Variants in SF3B2 observed in about 807,000 individuals in gnomAD.
SF3B2 encodes SAP 145.
Under a neutral mutation model 116.3 loss-of-function variants are expected in SF3B2, and 22 were observed. The ratio of observed to expected loss-of-function variants is 0.19; its 90% CI spans 0.14 to 0.27. The LOEUF is 0.27. Ranked by LOEUF, SF3B2 falls within the 10% of genes least tolerant of loss-of-function variation. The pLI is 1.00. For synonymous variants in SF3B2, 406 were observed against 421.6 expected, an observed-to-expected ratio of 0.96 and a Z score of 0.45; for missense variants, 767 against 1,151.4, an observed-to-expected ratio of 0.67 and a Z score of 4.83.
chr11:66,067,221 G>C (rs991268285), intron 19 of SF3B2: 13 of 340,722 alleles, frequency 3.8e-5, no homozygotes, highest in Non-Finnish European at 7.0e-5. Context: ...AGGGTACTGT[G>C]GACAGAGTAT....
chr11:66,055,390 G>C, intron 4 of SF3B2, 75 bp downstream of exon 4: 1 of 1,589,586 alleles, frequency 6.3e-7, no homozygotes, highest in East Asian at 2.2e-5. Flanking sequence ...AGAAAGCTGG[G>C]TCCTAGAACT....
At position 66,061,698 on chromosome 11, in the gene SF3B2, G is replaced by A; in HGVS notation, c.1792G>A (p.Glu598Lys). The change falls in exon 15 of 22, where the codon GAG (glutamate) becomes AAG (lysine). Residue 598 changes from glutamate (E) to lysine (K), a missense_variant. Transcript: ENST00000322535. ...GCTTTTCCCTCAGGGGAAGGAGTTC[G>A]AGACACGACTGAAGGAGAAGAAGCC... is the stretch of plus-strand genomic sequence containing the variant. ...GDLYYEGKEF[E>K]TRLKEKKPGD... is the part of the protein sequence containing the mutation. 1.2e-6 allele frequency: 2 copies of A among 1,614,114 alleles called. No homozygotes were observed. The highest frequency in any genetic ancestry group is 1.7e-6 in the Non-Finnish European group (2 of 1,179,940).
At chr11:66,067,701 G>A in intron 19 of SF3B2, 1 of 523,904 alleles carries the variant, frequency 1.9e-6, no homozygotes, top group South Asian at 2.0e-5. Flanking sequence ...GGGAGTCCTG[G>A]TCTGTGATCC....
chr11:66,060,161 CCT>C, intron 13 of SF3B2, 152 bp downstream of exon 13: 2 of 728,600 alleles, frequency 2.7e-6, no homozygotes, highest in Non-Finnish European at 4.5e-6. Flanking sequence ...CTCTTCCTCC[CCT>C]CTGCCTTCAC....
chr11:66,057,489 G>A (rs548663013), intron 7 of SF3B2, 114 bp downstream of exon 7: 1 of 659,958 alleles, frequency 1.5e-6, no homozygotes, highest in East Asian at 2.6e-5. Flanking sequence ...AATTCCTGGG[G>A]GTAGTGGGGA....
Position 66,059,376 on chromosome 11 carries a change from G to A in SF3B2, c.1320+38G>A. On this transcript the variant is annotated intron_variant, in intron 11 of 21. Transcript: ENST00000322535. The surrounding 1 kb of genome is among the most constrained non-coding windows in gnomAD (Gnocchi z 5.0). ...CCTCCTGGTGGGAAGCAGGGACTCT[G>A]GGCACAGGTGGCTGAGATGCATCCA... The A allele has an allele frequency of 3.7e-6, 6 of 1,613,084 alleles. No homozygotes were observed. The highest frequency in any genetic ancestry group is 4.2e-6 in the Non-Finnish European group (5 of 1,179,392).
chr11:66,061,817 G>C, intron 15 of SF3B2, 42 bp downstream of exon 15: 1 of 1,604,324 alleles, frequency 6.2e-7, no homozygotes, highest in African/African-American at 1.3e-5. Flanking sequence ...CGAAGAGGCT[G>C]GTGGGGATTG....
intron 1 of SF3B2, 32 bp downstream of exon 1, chr11:66,052,549 C>G: frequency 6.3e-7 from 1 of 1,597,754 alleles, no homozygotes; most frequent in Admixed American, 1.7e-5. Flanking sequence ...GGGGCCTTTA[C>G]GGGCCTGCGG....
chr11:66,061,443 C>T (rs1857098867), intron 14 of SF3B2, among the ~76,000 whole-genome samples: 1 of 152,152 alleles, frequency 6.6e-6, no homozygotes, highest in Non-Finnish European at 1.5e-5. Flanking sequence ...GTCGAGTGCC[C>T]TCATTTTACA....
chr11:66,065,205 C>T (rs1857161281), intron 19 of SF3B2: 1 of 152,258 alleles, frequency 6.6e-6, no homozygotes, highest in South Asian at 2.1e-4. Flanking sequence ...CTCCTGGCTT[C>T]AAGTGATCCG....
intron 5 of SF3B2, among the ~76,000 whole-genome samples, chr11:66,056,463 A>G (rs1426818135): frequency 6.6e-6 from 1 of 150,870 alleles, no homozygotes; most frequent in Non-Finnish European, 1.5e-5. Flanking sequence ...GTCTTTGCCC[A>G]GATTGTGCTG....
In SF3B2 at chr11:66,052,913, G is replaced by A. The variant is rs934122298; in HGVS notation, c.181-114G>A. 1.2e-5 allele frequency: 16 copies of A among 1,284,748 alleles called. No individual in the cohort carries two copies. In the South Asian group the frequency reaches 1.9e-4, roughly 15 times the overall value. 79.6% of individuals were successfully genotyped at this position (1,284,748 alleles called of 1,614,324 possible). A position where few individuals can be genotyped will look rare whatever the true frequency, so the allele number is the denominator to read the frequency against. ...CCATCTTGGTCCTCTTCAGTGCCCAGCCAGAGCGCTGGCAGACAGGCACTG... is the reference window on the plus strand; with the variant it reads ...CCATCTTGGTCCTCTTCAGTGCCCAACCAGAGCGCTGGCAGACAGGCACTG... On this transcript the variant is annotated intron_variant, in intron 2 of 21. Coordinates refer to ENST00000322535, the MANE Select transcript of SF3B2 (RefSeq NM_006842.3).
intron 3 of SF3B2, among the ~76,000 whole-genome samples, chr11:66,054,333 C>G (rs757887290): frequency 6.7e-6 from 1 of 148,714 alleles, no homozygotes; most frequent in Non-Finnish European, 1.5e-5. Flanking sequence ...AAAAATTAGC[C>G]GGGCATGGTG....
chr11:66,068,376 C>A lies in SF3B2; in HGVS notation c.2616+43C>A, dbSNP rs773766517. 2.7e-6 allele frequency: 4 copies of A among 1,502,174 alleles called. No individual in the cohort carries two copies. In the Admixed American group the frequency reaches 6.5e-5, roughly 25 times the overall value. 93.1% of individuals were successfully genotyped at this position (1,502,174 alleles called of 1,614,324 possible). A position where few individuals can be genotyped will look rare whatever the true frequency, so the allele number is the denominator to read the frequency against. ...CGCTGGGCTGGGTGAGAGCCAGGGA[C>A]CCTGGCCTGCCGTTTTCAGTGGCAT... On this transcript the variant is annotated intron_variant, in intron 21 of 21. Transcript: ENST00000322535.
chr11:66,068,798 A>G lies in SF3B2; in HGVS notation c.*53A>G, dbSNP rs1857239205. 1.4e-6 allele frequency: 2 copies of G among 1,406,248 alleles called. No homozygotes were observed. Among genetic ancestry groups the G allele is most frequent in the Non-Finnish European group, 2.0e-6 (2 of 994,986 alleles). 87.1% of individuals were successfully genotyped at this position (1,406,248 alleles called of 1,614,324 possible). On this transcript the variant is annotated 3_prime_UTR_variant, in exon 22 of 22. Transcript: ENST00000322535. Reference sequence around the variant, plus strand: ...CCCTACGTCTGGATGCCTGGGCTTCACACAAGAACCACCTCTCCCGCAGTT... The same window carrying G: ...CCCTACGTCTGGATGCCTGGGCTTCGCACAAGAACCACCTCTCCCGCAGTT...
Position 66,055,666 on chromosome 11 carries a change from A to G in SF3B2, c.549+81A>G. On this transcript the variant is annotated intron_variant, in intron 5 of 21. Transcript: ENST00000322535. ...TATAGTGCTTAGAGTGCACCATTCA[A>G]GTTTTCCCTGGAGGCTACTTTGTTC... 7.0e-6 allele frequency: 9 copies of G among 1,290,344 alleles called. 1 individual carries two copies. Among genetic ancestry groups the G allele is most frequent in the Middle Eastern group, 1.9e-4 (1 of 5,360 alleles). The allele number at this position is 1,290,344 out of a possible 1,614,324, so 79.9% of individuals were successfully genotyped here.
At position 66,060,691 on chromosome 11, in the gene SF3B2, C is replaced by G; in HGVS notation, c.1739C>G (p.Thr580Ser). 2 of 1,614,208 alleles carry G rather than the reference C, an allele frequency of 1.2e-6. No individual in the cohort carries two copies. The highest frequency in any genetic ancestry group is 2.2e-5 in the South Asian group (2 of 91,088). The change falls in exon 14 of 22, where the codon ACC (threonine) becomes AGC (serine). Residue 580 changes from threonine (T) to serine (S), a missense_variant. Coordinates refer to ENST00000322535, the MANE Select transcript of SF3B2 (RefSeq NM_006842.3). ...KLHDAFFKWQ[T>S]KPKLTIHGDL... Reference sequence around the variant, plus strand: ...CATGATGCCTTCTTCAAGTGGCAGACCAAGCCAAAGCTGACCATCCATGGG... The same window carrying G: ...CATGATGCCTTCTTCAAGTGGCAGAGCAAGCCAAAGCTGACCATCCATGGG...
At chr11:66,055,343 G>T (rs368042321) in intron 4 of SF3B2, 28 bp downstream of exon 4, 33 of 1,604,116 alleles carry the variant, frequency 2.1e-5, no homozygotes, top group Non-Finnish European at 2.7e-5. Context: ...CCTGGCCTTG[G>T]ACTCATTAGG....
chr11:66,068,380 G>A (rs767987732), intron 21 of SF3B2, 47 bp downstream of exon 21: 2 of 1,496,968 alleles, frequency 1.3e-6, no homozygotes, highest in Non-Finnish European at 8.9e-7. Context: ...CAGGGACCCT[G>A]GCCTGCCGTT....
Sources: allele counts gnomAD v4.1 joint callset (sites outside exome capture counted in the v4.1 genomes callset), GRCh38; gene constraint gnomAD v4.1.1; non-coding constraint Gnocchi (gnomAD v3.1); transcripts MANE v1.5; gene names NCBI Gene and HGNC (gene_info 2026-07-23, HGNC 2026-07-21).